TSPAN1: variants seen among roughly 807,000 people sequenced by gnomAD.
The protein encoded by TSPAN1 is tetraspanin 1.
A neutral mutation model predicts 26.9 loss-of-function variants in TSPAN1; 23 were observed. That is an observed-to-expected ratio of 0.85 (90% CI 0.62 to 1.21). TSPAN1 has a LOEUF of 1.21. Among genes scored for constraint, TSPAN1 ranks in the 50% most tolerant of loss-of-function variants. TSPAN1 has a pLI of 0.00. For synonymous variants in TSPAN1, 115 were observed against 114.8 expected (o/e 1.00, Z -0.01); for missense variants, 283 against 298.4 (o/e 0.95, Z 0.38).
chr1:46,177,756 G>A lies in TSPAN1; in HGVS notation c.-142+2347G>A, dbSNP rs565817386. Among the ~76,000 whole-genome samples the A allele has an allele frequency of 7.9e-5, 12 of 152,314 alleles. 1 individual carries two copies. In the South Asian group the frequency reaches 2.3e-3, roughly 29 times the overall value. On this transcript the variant is annotated intron_variant, in intron 1 of 8. Transcript: ENST00000372003. ...TTTCTGCTCATGTCCATGAATGACT[G>A]CAAAAGTACCACAAGTACTGGTTTG...
downstream of TSPAN1, chr1:46,188,848 A>C (rs767621764): frequency 6.2e-7 from 1 of 1,612,802 alleles, no homozygotes; most frequent in Non-Finnish European, 8.5e-7. Context: ...TGGGCACAGC[A>C]GTTTCCTGAG....
intron 3 of TSPAN1, chr1:46,183,526 C>T (rs936602091): frequency 6.3e-6 from 1 of 158,106 alleles, no homozygotes; most frequent in South Asian, 1.8e-4. Context: ...CCTCAGAATT[C>T]CCCCTGAGGT....
chr1:46,193,780 A>T, the TSPAN1 span: 54 of 1,603,380 alleles, frequency 3.4e-5, no homozygotes, highest in Non-Finnish European at 6.8e-6. Flanking sequence ...TGCCCACCTC[A>T]AGAGTTCCTC....
At chr1:46,190,646 A>G, downstream of TSPAN1, 1 of 1,542,944 alleles carries the variant, frequency 6.5e-7, no homozygotes, top group Non-Finnish European at 9.0e-7. Flanking sequence ...CAGGCCCAGC[A>G]TTGGAAGGGA....
downstream of TSPAN1, chr1:46,190,201 C>T (rs12116820): frequency 0.32 from 210,027 of 661,898 alleles, 34,848 homozygotes; most frequent in South Asian, 0.4. Context: ...CCTGCCACCA[C>T]GCCCGGCTAA....
At chr1:46,190,097 CTTTTTTTT>C, downstream of TSPAN1, 1 of 807,240 alleles carries the variant, frequency 1.2e-6, no homozygotes, top group East Asian at 3.0e-5. Context: ...CCTTGAAGTT[CTTTTTTTT>C]TTTTTTTTTT....
downstream of TSPAN1, chr1:46,190,471 AC>A: frequency 1.3e-6 from 2 of 1,594,680 alleles, no homozygotes; most frequent in Non-Finnish European, 1.7e-6. Flanking sequence ...CCTAGGCCAT[AC>A]CTGAGCAGCC....
chr1:46,183,034 C>T (rs1000104135), intron 3 of TSPAN1, among the ~76,000 whole-genome samples: 7 of 152,050 alleles, frequency 4.6e-5, no homozygotes, highest in Middle Eastern at 3.2e-3. Context: ...AGGCTGGTCT[C>T]GAACTCCTGG....
Position 46,185,680 on chromosome 1 carries a change from C to A in TSPAN1, c.*147C>A. 2.2e-6 allele frequency: 2 copies of A among 892,084 alleles called. No individual in the cohort carries two copies. The highest frequency in any genetic ancestry group is 1.6e-5 in the African/African-American group (1 of 60,628). The allele number at this position is 892,084 out of a possible 1,614,324, so 55.3% of individuals were successfully genotyped here. A position where few individuals can be genotyped will look rare whatever the true frequency, so the allele number is the denominator to read the frequency against. On this transcript the variant is annotated 3_prime_UTR_variant, in exon 9 of 9. Transcript: ENST00000372003. ...TGCCCTTTCTGCTCCAGACTTGGGG[C>A]TAGATAGGGACCACTCCTTTTAGGC...
chr1:46,194,133 T>A, the TSPAN1 span: 1 of 1,551,606 alleles, frequency 6.4e-7, no homozygotes, highest in Non-Finnish European at 8.7e-7. Flanking sequence ...ACCCCAGCCC[T>A]GTCTTTCAGA....
At chr1:46,183,962 C>T in intron 3 of TSPAN1, 2 of 584,900 alleles carry the variant, frequency 3.4e-6, no homozygotes. Flanking sequence ...TTCTAGAACC[C>T]CTGATCTCCT....
chr1:46,196,089 C>T, the TSPAN1 span: 1 of 1,613,938 alleles, frequency 6.2e-7, no homozygotes, highest in Non-Finnish European at 8.5e-7. This position sits in a 1 kb window ranked among gnomAD's most constrained non-coding sequence, Gnocchi z 4.4. Context: ...TACACAGTGG[C>T]AGAGACAAAG....
Position 46,183,823 on chromosome 1 carries a change from T to C in TSPAN1, c.58-368T>C, listed in dbSNP as rs564093278. ...CACCTATCAGAGGACAGAGGTGTTC[T>C]AGGCACCCATAGCCCAGAAAGGAAA... is the stretch of plus-strand genomic sequence containing the variant. On this transcript the variant is annotated intron_variant, in intron 3 of 8. Transcript: ENST00000372003. The C allele has an allele frequency of 8.2e-4, 290 of 353,648 alleles. 1 individual carries two copies. The highest frequency in any genetic ancestry group is 5.6e-3 in the African/African-American group (268 of 47,628). 21.9% of individuals were successfully genotyped at this position (353,648 alleles called of 1,614,324 possible). A position where few individuals can be genotyped will look rare whatever the true frequency, so the allele number is the denominator to read the frequency against.
intron 1 of TSPAN1, among the ~76,000 whole-genome samples, chr1:46,178,578 G>A (rs1331343588): frequency 6.6e-6 from 1 of 151,968 alleles, no homozygotes; most frequent in Non-Finnish European, 1.5e-5. Context: ...ATATGACCTT[G>A]CTTCCACCAA....
At chr1:46,183,783 T>C (rs1177815715) in intron 3 of TSPAN1, 1 of 276,362 alleles carries the variant, frequency 3.6e-6, no homozygotes, top group Non-Finnish European at 7.0e-6. Flanking sequence ...CCTGTTCTGC[T>C]ACCACCCCCG....
At chr1:46,191,912 G>C in the TSPAN1 span, 2 of 911,982 alleles carry the variant, frequency 2.2e-6, no homozygotes, top group African/African-American at 1.7e-5. Context: ...GGGATTACAG[G>C]CGTGAGCCAC....
chr1:46,195,096 C>G, the TSPAN1 span: 1 of 796,942 alleles, frequency 1.3e-6, no homozygotes, highest in East Asian at 2.6e-5. Context: ...TATGGTTACT[C>G]TCTTTCACAG....
downstream of TSPAN1, chr1:46,189,339 T>A (rs778579837): frequency 6.2e-7 from 1 of 1,613,820 alleles, no homozygotes; most frequent in Non-Finnish European, 8.5e-7. Flanking sequence ...TTGGGGTGAC[T>A]GAGGGTGGCT....
intron 1 of TSPAN1, among the ~76,000 whole-genome samples, chr1:46,179,057 T>C (rs1329672458): frequency 6.6e-6 from 1 of 152,110 alleles, no homozygotes; most frequent in Non-Finnish European, 1.5e-5. Context: ...CTAGGCACAG[T>C]GGCTGATGCC....
Sources: gnomAD v4.1 joint callset for allele counts (sites outside exome capture counted in the v4.1 genomes callset) on GRCh38, gnomAD v4.1.1 for gene constraint, Gnocchi (gnomAD v3.1) non-coding constraint, MANE v1.5 for transcripts, NCBI Gene and HGNC (gene_info 2026-07-23, HGNC 2026-07-21) for gene names.